Variants in CAMTA1 observed in about 807,000 individuals in gnomAD.
CAMTA1 encodes the protein calmodulin-binding transcription activator 1.
In CAMTA1, 27 loss-of-function variants were observed where a neutral mutation model predicts 170.9. That is an observed-to-expected ratio of 0.16 (90% CI 0.12 to 0.22). The LOEUF is 0.22. Among genes scored for constraint, CAMTA1 ranks in the 10% least tolerant of loss-of-function variants. CAMTA1 has a pLI of 1.00. For missense variants in CAMTA1, 1,619 were observed against 2,217.2 expected (o/e 0.73, Z 5.42); for synonymous variants, 833 against 891.5 (o/e 0.93, Z 1.17).
At chr1:7,087,161 A>C in intron 3 of CAMTA1, among the ~76,000 whole-genome samples, 1 of 152,010 alleles carries the variant, frequency 6.6e-6, no homozygotes, top group Non-Finnish European at 1.5e-5. Context: ...AGGTTTGTGG[A>C]CCTCTGGGGG....
chr1:7,254,523 A>G (rs1574228993), intron 5 of CAMTA1, among the ~76,000 whole-genome samples: 1 of 152,224 alleles, frequency 6.6e-6, no homozygotes, highest in East Asian at 1.9e-4. Flanking sequence ...GCCTGTAAAC[A>G]ACGAAGAGTT....
intron 7 of CAMTA1, among the ~76,000 whole-genome samples, chr1:7,646,377 T>C (rs1232076834): frequency 4.6e-5 from 6 of 130,062 alleles, no homozygotes; most frequent in African/African-American, 1.5e-4. Flanking sequence ...ATGGAGGCCA[T>C]AGTGAGTGTG....
intron 5 of CAMTA1, among the ~76,000 whole-genome samples, chr1:7,398,183 CTCTCTCT>C (rs2089525729): frequency 2.2e-5 from 1 of 45,220 alleles, no homozygotes; most frequent in African/African-American, 8.8e-5. Context: ...CTCTCTCTCT[CTCTCTCT>C]CTCTATATAT....
At chr1:7,548,986 TA>T (rs2094756424) in intron 6 of CAMTA1, among the ~76,000 whole-genome samples, 1 of 134,022 alleles carries the variant, frequency 7.5e-6, no homozygotes, top group African/African-American at 2.8e-5. Flanking sequence ...GGTACCCCCT[TA>T]GGGGTAGAGG....
rs1307319237 is a variant in CAMTA1 at position 7,443,977 on chromosome 1, G to A, written c.439-23853G>A. 2.0e-5 allele frequency among the ~76,000 whole-genome samples: 3 copies of A among 151,690 alleles called. No homozygotes were observed. Among genetic ancestry groups the A allele is most frequent in the African/African-American group, 7.2e-5 (3 of 41,404 alleles). ...CATTGTGATCCGTCGGTGAGCCATC[G>A]AGCCCCTCCTTCAGGCCCCCAGAGG... On this transcript the variant is annotated intron_variant, in intron 5 of 22. Coordinates refer to ENST00000303635, the MANE Select transcript of CAMTA1 (RefSeq NM_015215.4). The surrounding 1 kb of genome is among the most constrained non-coding windows in gnomAD (Gnocchi z 4.1).
At chr1:6,922,975 G>T (rs1039323964) in intron 3 of CAMTA1, among the ~76,000 whole-genome samples, 1 of 152,172 alleles carries the variant, frequency 6.6e-6, no homozygotes, top group Non-Finnish European at 1.5e-5. Context: ...GCACTTGTAT[G>T]AAGTGATAAA....
At chr1:7,492,287 C>G (rs113331553) in intron 6 of CAMTA1, among the ~76,000 whole-genome samples, 2 of 152,166 alleles carry the variant, frequency 1.3e-5, no homozygotes, top group African/African-American at 4.8e-5. Context: ...GAAGGCACTA[C>G]GGGGGCCCAG....
intron 6 of CAMTA1, among the ~76,000 whole-genome samples, chr1:7,495,473 T>G (rs1228619784): frequency 6.6e-6 from 1 of 152,144 alleles, no homozygotes; most frequent in Non-Finnish European, 1.5e-5. Flanking sequence ...TCCCCAGAAG[T>G]GATTTGCCTT....
chr1:7,128,724 A>G (rs979532851), intron 4 of CAMTA1, among the ~76,000 whole-genome samples: 5 of 151,034 alleles, frequency 3.3e-5, no homozygotes, highest in Middle Eastern at 3.2e-3. Context: ...GCACGATCTC[A>G]GCTCACTGCA....
rs1575021595 is a variant in CAMTA1 at position 7,381,152 on chromosome 1, A to T, written c.439-86678A>T. On this transcript the variant is annotated intron_variant, in intron 5 of 22. Coordinates refer to ENST00000303635, the MANE Select transcript of CAMTA1 (RefSeq NM_015215.4). Reference sequence around the variant, plus strand: ...TTGATTTTTCTTTTTTTTATTTTTTATTTATTTATTTATTATTATACTTTA... The same window carrying T: ...TTGATTTTTCTTTTTTTTATTTTTTTTTTATTTATTTATTATTATACTTTA... Among the ~76,000 whole-genome samples, 4 of 151,728 alleles carry T rather than the reference A, an allele frequency of 2.6e-5. No homozygotes were observed. The Middle Eastern group carries it at 0.01, about 387-fold the overall frequency.
intron 3 of CAMTA1, among the ~76,000 whole-genome samples, chr1:7,059,599 G>A (rs567389985): frequency 3.8e-4 from 58 of 152,100 alleles, no homozygotes; most frequent in African/African-American, 1.3e-3. Flanking sequence ...CAGCCTGGGC[G>A]ACACAGCAAG....
intron 6 of CAMTA1, among the ~76,000 whole-genome samples, chr1:7,567,861 AGCTGG>A (rs1313811118): frequency 6.6e-6 from 1 of 152,220 alleles, no homozygotes; most frequent in African/African-American, 2.4e-5. Context: ...CTGAGATCAC[AGCTGG>A]GCTCTGCCAC....
At chr1:7,154,598 G>A (rs1233160904) in intron 4 of CAMTA1, among the ~76,000 whole-genome samples, 1 of 152,268 alleles carries the variant, frequency 6.6e-6, no homozygotes, top group South Asian at 2.1e-4. Flanking sequence ...TGTGATACTT[G>A]CTCTAAAGAG....
At chr1:6,788,023 A>T (rs1015233689) in intron 1 of CAMTA1, among the ~76,000 whole-genome samples, 3 of 152,206 alleles carry the variant, frequency 2.0e-5, no homozygotes, top group African/African-American at 7.2e-5. Flanking sequence ...TTGTGAAATT[A>T]GCAAAATGTA....
chr1:6,834,499 G>C (rs1458912680), intron 3 of CAMTA1: 5 of 257,350 alleles, frequency 1.9e-5, no homozygotes, highest in Non-Finnish European at 3.0e-5. Flanking sequence ...TCCTGCACTT[G>C]GCGGGGTAGC....
intron 17 of CAMTA1, 137 bp downstream of exon 17, chr1:7,745,159 C>T (rs539231269): frequency 2.6e-6 from 2 of 774,212 alleles, no homozygotes; most frequent in African/African-American, 1.8e-5. Context: ...AGGACAAGCT[C>T]TGTTGCCACT....
At chr1:7,046,903 A>G (rs6577409) in intron 3 of CAMTA1, among the ~76,000 whole-genome samples, 108,211 of 152,150 alleles carry the variant, frequency 0.71, 39,385 homozygotes, top group African/African-American at 0.87. Context: ...CTGCTGCCGG[A>G]GTAGACATGG....
At chr1:7,404,590 A>G (rs938101076) in intron 5 of CAMTA1, among the ~76,000 whole-genome samples, 2 of 152,176 alleles carry the variant, frequency 1.3e-5, no homozygotes, top group Non-Finnish European at 2.9e-5. Flanking sequence ...TTGCTGGCCC[A>G]GGAGTTTTGG....
At chr1:7,131,803 C>T (rs918506660) in intron 4 of CAMTA1, among the ~76,000 whole-genome samples, 1 of 152,092 alleles carries the variant, frequency 6.6e-6, no homozygotes, top group African/African-American at 2.4e-5. Context: ...CGCTTGTAAT[C>T]CCAGCACTTA....
Sources: gnomAD v4.1 joint callset for allele counts (sites outside exome capture counted in the v4.1 genomes callset) on GRCh38, gnomAD v4.1.1 for gene constraint, Gnocchi (gnomAD v3.1) non-coding constraint, MANE v1.5 for transcripts, NCBI Gene and HGNC (gene_info 2026-07-23, HGNC 2026-07-21) for gene names.